Variants in DHRSX observed in about 807,000 individuals in gnomAD.
DHRSX encodes the protein dehydrogenase/reductase X-linked.
A neutral mutation model predicts 34.0 loss-of-function variants in DHRSX; 31 were observed. That is an observed-to-expected ratio of 0.91 (90% CI 0.69 to 1.23). The LOEUF (loss-of-function observed/expected upper bound fraction) is 1.23, where lower values mean the gene tolerates loss of function less well. Among genes scored for constraint, DHRSX ranks in the 50% most tolerant of loss-of-function variants. DHRSX has a pLI of 0.00. For missense variants in DHRSX, 414 were observed against 428.1 expected (o/e 0.97, Z 0.29); for synonymous variants, 201 against 183.8 (o/e 1.09, Z -0.76).
At chrX:2,382,789 CCAT>C (rs1486052026) in intron 3 of DHRSX, among the ~76,000 whole-genome samples, 33 of 121,288 alleles carry the variant, frequency 2.7e-4, no homozygotes, top group South Asian at 1.8e-3. Context: ...ACCATCATCA[CCAT>C]CATCATCACC....
chrX:2,409,084 C>G (rs1163089643), intron 2 of DHRSX, among the ~76,000 whole-genome samples: 2 of 152,140 alleles, frequency 1.3e-5, no homozygotes, highest in Non-Finnish European at 2.9e-5. Context: ...ACCCGGGGCA[C>G]CTGCTGGTGT....
intron 5 of DHRSX, among the ~76,000 whole-genome samples, chrX:2,262,915 C>T (rs1222348482): frequency 6.6e-6 from 1 of 152,226 alleles, no homozygotes; most frequent in Non-Finnish European, 1.5e-5. Flanking sequence ...CCCCCACGGC[C>T]CTCCCTTCGT....
At chrX:2,387,760 T>C (rs183443858) in intron 3 of DHRSX, among the ~76,000 whole-genome samples, 19 of 151,842 alleles carry the variant, frequency 1.3e-4, no homozygotes, top group African/African-American at 4.3e-4. Context: ...GCAGAACCCA[T>C]TCCAAGGGCA....
chrX:2,472,876 G>A (rs1458033359), intron 1 of DHRSX, among the ~76,000 whole-genome samples: 2 of 152,002 alleles, frequency 1.3e-5, no homozygotes, highest in African/African-American at 4.8e-5. Context: ...GGAAATCAGG[G>A]ATTTCCAAAG....
intron 3 of DHRSX, among the ~76,000 whole-genome samples, chrX:2,327,736 A>C (rs1486082652): frequency 6.6e-6 from 1 of 152,100 alleles, no homozygotes; most frequent in Non-Finnish European, 1.5e-5. Flanking sequence ...TTAAGGTAAA[A>C]CAAAGTCACC....
intron 5 of DHRSX, among the ~76,000 whole-genome samples, chrX:2,248,624 AAAG>A (rs1462137725): frequency 0.013 from 1,081 of 81,174 alleles, 17 homozygotes; most frequent in Non-Finnish European, 0.031. Context: ...AAAAAAAAAA[AAAG>A]AAAAAGAAAA....
chrX:2,477,788 T>A (rs2044703164), intron 1 of DHRSX, among the ~76,000 whole-genome samples: 1 of 150,316 alleles, frequency 6.7e-6, no homozygotes, highest in South Asian at 2.1e-4. Flanking sequence ...GGGGTTACAG[T>A]GAGCCGAGAT....
chrX:2,496,357 C>T (rs752355836), intron 1 of DHRSX, among the ~76,000 whole-genome samples: 1 of 149,472 alleles, frequency 6.7e-6, no homozygotes, highest in South Asian at 2.2e-4. Flanking sequence ...CACTGCCACA[C>T]CCAGCTAATT....
At chrX:2,485,658 A>ACAG (rs2044878754) in intron 1 of DHRSX, among the ~76,000 whole-genome samples, 1 of 43,684 alleles carries the variant, frequency 2.3e-5, no homozygotes, top group African/African-American at 1.3e-4. Context: ...GGAGGGAGGG[A>ACAG]TGGGGGAAGG....
chrX:2,221,675 A>G (rs902154166), intron 6 of DHRSX, among the ~76,000 whole-genome samples: 4 of 152,208 alleles, frequency 2.6e-5, no homozygotes, highest in Non-Finnish European at 5.9e-5. Context: ...AAGGCATGCT[A>G]CATCGGAGAA....
chrX:2,457,070 G>A (rs1037003798), intron 1 of DHRSX, among the ~76,000 whole-genome samples: 1 of 152,006 alleles, frequency 6.6e-6, no homozygotes, highest in Admixed American at 6.6e-5. Flanking sequence ...CAGATGAGTG[G>A]GATTCCACAT....
chrX:2,316,043 G>A (rs2042238211), intron 3 of DHRSX, among the ~76,000 whole-genome samples: 2 of 152,066 alleles, frequency 1.3e-5, no homozygotes, highest in African/African-American at 4.8e-5. Context: ...TGTCTTTTTA[G>A]TAGAGACGGG....
chrX:2,377,517 G>A (rs1214961478), intron 3 of DHRSX, among the ~76,000 whole-genome samples: 1 of 152,056 alleles, frequency 6.6e-6, no homozygotes, highest in Non-Finnish European at 1.5e-5. Flanking sequence ...TGCGTGCAGT[G>A]GGAAGTGGCT....
intron 3 of DHRSX, among the ~76,000 whole-genome samples, chrX:2,349,263 G>T (rs1569492286): frequency 6.6e-6 from 1 of 152,008 alleles, no homozygotes; most frequent in Non-Finnish European, 1.5e-5. Context: ...TTCAATAGAT[G>T]AATGGATGAA....
chrX:2,304,289 GTGGGTGGATGGATGGATGGATGAA>G (rs2042072501), intron 3 of DHRSX, among the ~76,000 whole-genome samples: 1 of 54,444 alleles, frequency 1.8e-5, no homozygotes, highest in Admixed American at 2.2e-4. Context: ...GGGTGGGTGG[GTGGGTGGATGGATGGATGGATGAA>G]TGGATGGATG....
intron 1 of DHRSX, among the ~76,000 whole-genome samples, chrX:2,497,036 CTG>C (rs1355662087): frequency 1.3e-5 from 2 of 151,998 alleles, no homozygotes; most frequent in East Asian, 1.9e-4. Flanking sequence ...GACTTATTGA[CTG>C]TTATAATCCA....
chrX:2,273,893 G>A (rs2041589695), intron 4 of DHRSX, among the ~76,000 whole-genome samples: 1 of 152,224 alleles, frequency 6.6e-6, no homozygotes, highest in Admixed American at 6.5e-5. Flanking sequence ...ATGAATCCGA[G>A]CCGTGCTAGG....
intron 5 of DHRSX, among the ~76,000 whole-genome samples, chrX:2,264,637 C>G (rs1314493738): frequency 6.8e-6 from 1 of 147,606 alleles, no homozygotes; most frequent in Admixed American, 6.7e-5. Flanking sequence ...CAGGGAGCAT[C>G]GTGCCCAGAA....
At chrX:2,381,796 CCAAAA>C (rs2043206007) in intron 3 of DHRSX, among the ~76,000 whole-genome samples, 1 of 34,122 alleles carries the variant, frequency 2.9e-5, no homozygotes, top group African/African-American at 1.1e-4. Context: ...GAAGCCACAA[CCAAAA>C]AAAAAAAAAA....
Sources: allele counts gnomAD v4.1 joint callset (sites outside exome capture counted in the v4.1 genomes callset), GRCh38; gene constraint gnomAD v4.1.1; transcripts MANE v1.5; gene names NCBI Gene and HGNC (gene_info 2026-07-23, HGNC 2026-07-21).